The following SYNDIG1 variants were observed in gnomAD, a reference collection of about 807,000 sequenced individuals.
SYNDIG1 encodes synapse differentiation-inducing gene protein 1.
Under a neutral mutation model 19.4 loss-of-function variants are expected in SYNDIG1, and 9 were observed. The ratio of observed to expected loss-of-function variants is 0.46; its 90% confidence interval spans 0.28 to 0.81. SYNDIG1 has a LOEUF of 0.81. Among genes scored for constraint, SYNDIG1 ranks in the 30% least tolerant of loss-of-function variants. The pLI is 0.12. For missense variants in SYNDIG1, 311 were observed against 343.3 expected (o/e 0.91, Z 0.74); for synonymous variants, 141 against 145.9 (o/e 0.97, Z 0.24).
intron 3 of SYNDIG1, among the ~76,000 whole-genome samples, chr20:24,653,914 T>C (rs1285930203): frequency 6.6e-6 from 1 of 152,138 alleles, no homozygotes; most frequent in Non-Finnish European, 1.5e-5. Flanking sequence ...TTAGGGCCCA[T>C]CCTAACAATG....
chr20:24,508,146 G>GTTC (rs1164152377), intron 1 of SYNDIG1, among the ~76,000 whole-genome samples: 1 of 151,608 alleles, frequency 6.6e-6, no homozygotes, highest in Admixed American at 6.6e-5. Flanking sequence ...GATAAGAAAG[G>GTTC]TGAGAAGGTT....
chr20:24,616,911 AG>A (rs969062996), intron 3 of SYNDIG1, among the ~76,000 whole-genome samples: 7 of 152,116 alleles, frequency 4.6e-5, no homozygotes, highest in African/African-American at 1.7e-4. Flanking sequence ...CCATCCTTGT[AG>A]GGTTTGAAAT....
At chr20:24,489,787 C>T (rs999127898) in intron 1 of SYNDIG1, among the ~76,000 whole-genome samples, 1 of 152,236 alleles carries the variant, frequency 6.6e-6, no homozygotes, top group African/African-American at 2.4e-5. Context: ...GGGCCTCCAG[C>T]CAAAGGACAG....
intron 2 of SYNDIG1, among the ~76,000 whole-genome samples, chr20:24,581,553 G>C (rs1445591847): frequency 6.6e-6 from 1 of 152,022 alleles, no homozygotes; most frequent in African/African-American, 2.4e-5. Flanking sequence ...CCCTTCTGAA[G>C]CTCAGCAGTT....
At chr20:24,516,827 C>G (rs889098670) in intron 1 of SYNDIG1, among the ~76,000 whole-genome samples, 1 of 151,950 alleles carries the variant, frequency 6.6e-6, no homozygotes, top group African/African-American at 2.4e-5. Context: ...GGTATGTACC[C>G]AAAGGATTAT....
rs1262202628 is a variant in SYNDIG1, at chr20:24,584,879, G to A, written c.504G>A (p.Glu168=). The A allele has an allele frequency of 6.2e-7, 1 of 1,614,050 alleles. No homozygotes were observed. The highest frequency in any genetic ancestry group is 8.5e-7 in the Non-Finnish European group (1 of 1,180,036). Residue 168 remains glutamate (E), a synonymous_variant, in exon 3 of 4, where the codon GAG becomes GAA. Coordinates refer to ENST00000376862, the MANE Select transcript of SYNDIG1 (RefSeq NM_024893.3). ...AGAGCGACTACTCAAGCGACACAGAGAGTGAGGACAATTTCCTCATGATGC... is the reference window on the plus strand; with the variant it reads ...AGAGCGACTACTCAAGCGACACAGAAAGTGAGGACAATTTCCTCATGATGC... The part of the protein sequence containing the change: ...ELESDYSSDT[E]SEDNFLMMPP...
chr20:24,507,685 T>C (rs904228235), intron 1 of SYNDIG1, among the ~76,000 whole-genome samples: 1 of 152,136 alleles, frequency 6.6e-6, no homozygotes, highest in Non-Finnish European at 1.5e-5. Context: ...CTGCTAGAGA[T>C]AAGAAACTGA....
intron 1 of SYNDIG1, among the ~76,000 whole-genome samples, chr20:24,479,426 C>T (rs2055732323): frequency 6.6e-6 from 1 of 152,200 alleles, no homozygotes; most frequent in Admixed American, 6.5e-5. Context: ...TGTCCCTACC[C>T]CTTACCCAAG....
At chr20:24,495,595 A>G (rs1002480269) in intron 1 of SYNDIG1, 1 of 152,274 alleles carries the variant, frequency 6.6e-6, no homozygotes, top group African/African-American at 2.4e-5. Context: ...GCATAGCTGG[A>G]ACAAACATGC....
intron 2 of SYNDIG1, among the ~76,000 whole-genome samples, chr20:24,572,442 T>C (rs2058159577): frequency 1.3e-5 from 2 of 152,178 alleles, no homozygotes; most frequent in Admixed American, 6.5e-5. Context: ...GTTGCAGAGA[T>C]GAGAGATGCA....
At chr20:24,531,443 C>T (rs544343320) in intron 1 of SYNDIG1, among the ~76,000 whole-genome samples, 6 of 152,148 alleles carry the variant, frequency 3.9e-5, no homozygotes, top group Admixed American at 2.0e-4. Flanking sequence ...TAGACTTATT[C>T]GTAGGTTCAG....
chr20:24,544,775 G>T (rs1035137392), intron 2 of SYNDIG1, among the ~76,000 whole-genome samples: 1 of 152,204 alleles, frequency 6.6e-6, no homozygotes, highest in African/African-American at 2.4e-5. Context: ...TGAGGAGATT[G>T]CAGACAGTCT....
At chr20:24,497,397 C>A (rs1309416730) in intron 1 of SYNDIG1, among the ~76,000 whole-genome samples, 1 of 152,178 alleles carries the variant, frequency 6.6e-6, no homozygotes, top group Admixed American at 6.5e-5. Flanking sequence ...GATGGGGTTT[C>A]ACCATGTTGG....
intron 1 of SYNDIG1, among the ~76,000 whole-genome samples, chr20:24,537,520 T>G (rs966674240): frequency 6.6e-6 from 1 of 151,350 alleles, no homozygotes; most frequent in Non-Finnish European, 1.5e-5. Flanking sequence ...TTGTTTTCCC[T>G]GTATGGTATA....
intron 3 of SYNDIG1, among the ~76,000 whole-genome samples, chr20:24,604,169 C>T (rs1285226180): frequency 6.6e-6 from 1 of 151,852 alleles, no homozygotes; most frequent in African/African-American, 2.4e-5. Context: ...TTGTGTGGAA[C>T]TGGAGCTCCA....
intron 1 of SYNDIG1, among the ~76,000 whole-genome samples, chr20:24,477,517 C>A (rs2055668780): frequency 6.6e-6 from 1 of 152,124 alleles, no homozygotes; most frequent in Non-Finnish European, 1.5e-5. Context: ...GGGACTGTAG[C>A]ACCCAGACTC....
At chr20:24,628,597 A>G (rs1330432388) in intron 3 of SYNDIG1, among the ~76,000 whole-genome samples, 3 of 152,218 alleles carry the variant, frequency 2.0e-5, no homozygotes, top group African/African-American at 7.2e-5. Context: ...TTGTCCTCTA[A>G]GTGATGGACC....
chr20:24,653,232 C>T (rs1249516331), intron 3 of SYNDIG1, among the ~76,000 whole-genome samples: 1 of 152,052 alleles, frequency 6.6e-6, no homozygotes, highest in African/African-American at 2.4e-5. Context: ...AAGATGAAAG[C>T]GCACGGAGGA....
chr20:24,544,057 G>A (rs112506067), intron 2 of SYNDIG1, among the ~76,000 whole-genome samples: 22 of 152,318 alleles, frequency 1.4e-4, no homozygotes, highest in Admixed American at 5.2e-4. Flanking sequence ...GAGCTGAACC[G>A]TGCTGGAAGA....
Sources: gnomAD v4.1 joint callset for allele counts (sites outside exome capture counted in the v4.1 genomes callset) on GRCh38, gnomAD v4.1.1 for gene constraint, MANE v1.5 for transcripts, NCBI Gene and HGNC (gene_info 2026-07-23, HGNC 2026-07-21) for gene names.